Variants in CNTNAP5 observed in about 807,000 individuals in gnomAD.
CNTNAP5 encodes the protein contactin-associated protein-like 5.
In CNTNAP5, 72 loss-of-function variants were observed where a neutral mutation model predicts 150.2. The ratio of observed to expected loss-of-function variants is 0.48; its 90% CI spans 0.40 to 0.58. The LOEUF (loss-of-function observed/expected upper bound fraction) is 0.58. CNTNAP5 is among the 20% of genes least tolerant of loss of function. The pLI, the probability that CNTNAP5 is intolerant of heterozygous loss-of-function variation, is 0.00. For synonymous variants in CNTNAP5, 672 were observed against 619.8 expected (o/e 1.08, Z -1.25); for missense variants, 1,636 against 1,626.2 (o/e 1.01, Z -0.10).
intron 19 of CNTNAP5, among the ~76,000 whole-genome samples, chr2:124,812,329 T>C (rs1000176453): frequency 1.3e-5 from 2 of 150,316 alleles, no homozygotes; most frequent in African/African-American, 4.9e-5. Context: ...AGCACACATA[T>C]GGAAACCAAA....
chr2:124,156,049 C>A (rs779405722), intron 1 of CNTNAP5, among the ~76,000 whole-genome samples: 1 of 152,180 alleles, frequency 6.6e-6, no homozygotes, highest in African/African-American at 2.4e-5. Context: ...AAAAAGGGTT[C>A]AGGGTGAGGG....
chr2:124,160,679 T>C (rs1317687521), intron 1 of CNTNAP5, among the ~76,000 whole-genome samples: 2 of 152,182 alleles, frequency 1.3e-5, no homozygotes, highest in Non-Finnish European at 2.9e-5. Context: ...TAATGCAGTT[T>C]TGAAGCACGG....
chr2:124,243,247 G>A (rs1210101169), intron 3 of CNTNAP5, among the ~76,000 whole-genome samples: 1 of 152,156 alleles, frequency 6.6e-6, no homozygotes, highest in Non-Finnish European at 1.5e-5. Flanking sequence ...TGTGTAAAAT[G>A]TGAAGATACG....
intron 3 of CNTNAP5, among the ~76,000 whole-genome samples, chr2:124,391,632 A>C (rs867274120): frequency 6.6e-6 from 1 of 152,214 alleles, no homozygotes. Context: ...AGTCTTGTGA[A>C]TCCAGAGCAC....
intron 1 of CNTNAP5, among the ~76,000 whole-genome samples, chr2:124,044,532 A>G (rs1437219382): frequency 2.0e-5 from 3 of 152,224 alleles, no homozygotes; most frequent in Non-Finnish European, 2.9e-5. Context: ...AGATATTGGT[A>G]AAGAAAGACA....
chr2:124,327,609 C>G (rs1172358376), intron 3 of CNTNAP5, among the ~76,000 whole-genome samples: 1 of 152,152 alleles, frequency 6.6e-6, no homozygotes, highest in Non-Finnish European at 1.5e-5. Context: ...ATAATAAAAC[C>G]TTGGTCTCCA....
At chr2:124,264,436 A>G (rs1687551131) in intron 3 of CNTNAP5, among the ~76,000 whole-genome samples, 1 of 149,122 alleles carries the variant, frequency 6.7e-6, no homozygotes, top group African/African-American at 2.5e-5. Flanking sequence ...ACACACACCA[A>G]TCGCCATGGC....
At chr2:124,669,598 A>G (rs570515407) in intron 13 of CNTNAP5, among the ~76,000 whole-genome samples, 9 of 152,298 alleles carry the variant, frequency 5.9e-5, no homozygotes, top group South Asian at 4.1e-4. Flanking sequence ...CCTTTTCTGA[A>G]TACAAGATGC....
At chr2:124,590,476 T>C (rs1696654670) in intron 11 of CNTNAP5, among the ~76,000 whole-genome samples, 1 of 152,188 alleles carries the variant, frequency 6.6e-6, no homozygotes, top group Admixed American at 6.5e-5. Context: ...CTCCCATTAG[T>C]TTTAACATAT....
intron 3 of CNTNAP5, among the ~76,000 whole-genome samples, chr2:124,325,704 G>A (rs575822661): frequency 6.6e-6 from 1 of 152,280 alleles, no homozygotes; most frequent in Non-Finnish European, 1.5e-5. Flanking sequence ...AATATGAAAG[G>A]GAGGTGAGGC....
In CNTNAP5 at chr2:124,919,106, A is replaced by G. The variant is rs1678824179; in HGVS notation, c.*4818A>G. Among the ~76,000 whole-genome samples the G allele has an allele frequency of 6.6e-6, 1 of 152,070 alleles. No individual in the cohort carries two copies. Among genetic ancestry groups the G allele is most frequent in the Admixed American group, 6.6e-5 (1 of 15,246 alleles). On this transcript the variant is annotated 3_prime_UTR_variant, in exon 24 of 24. Coordinates refer to ENST00000682447, the MANE Select transcript of CNTNAP5 (RefSeq NM_001367498.1). Reference sequence around the variant, plus strand: ...CACAAATTCCAAATTTGAACCACCTAAAGGGGAAAAAATGCAACACACACA... The same window carrying G: ...CACAAATTCCAAATTTGAACCACCTGAAGGGGAAAAAATGCAACACACACA...
At chr2:124,464,324 C>A (rs1229613638) in intron 6 of CNTNAP5, among the ~76,000 whole-genome samples, 1 of 151,958 alleles carries the variant, frequency 6.6e-6, no homozygotes, top group Non-Finnish European at 1.5e-5. Context: ...AAGAAATCAC[C>A]CACTCTCTAT....
At chr2:124,371,660 G>C (rs1690530150) in intron 3 of CNTNAP5, among the ~76,000 whole-genome samples, 1 of 152,074 alleles carries the variant, frequency 6.6e-6, no homozygotes. Flanking sequence ...TGTTGTAGTA[G>C]CTGGTAAGAT....
At chr2:124,466,777 T>C (rs1408657407) in intron 6 of CNTNAP5, among the ~76,000 whole-genome samples, 3 of 152,140 alleles carry the variant, frequency 2.0e-5, no homozygotes, top group Non-Finnish European at 1.5e-5. Context: ...CAGTCTTCCA[T>C]ATACTGAAGG....
chr2:124,026,348 G>T (rs1680887995), intron 1 of CNTNAP5, among the ~76,000 whole-genome samples: 1 of 152,162 alleles, frequency 6.6e-6, no homozygotes, highest in Non-Finnish European at 1.5e-5. Flanking sequence ...GAAGAGCTTT[G>T]ATGCATACCC....
intron 13 of CNTNAP5, among the ~76,000 whole-genome samples, chr2:124,657,413 C>T (rs1191202240): frequency 6.6e-6 from 1 of 152,006 alleles, no homozygotes; most frequent in East Asian, 1.9e-4. Context: ...TCTCCATTCC[C>T]CATTCAGTAT....
At chr2:124,839,667 A>G (rs918712456) in intron 19 of CNTNAP5, among the ~76,000 whole-genome samples, 11 of 152,060 alleles carry the variant, frequency 7.2e-5, no homozygotes, top group Admixed American at 6.6e-4. Context: ...AAGAACATTT[A>G]CTGATTCCTG....
intron 14 of CNTNAP5, among the ~76,000 whole-genome samples, chr2:124,752,497 A>C (rs915007077): frequency 2.6e-5 from 4 of 152,180 alleles, no homozygotes; most frequent in African/African-American, 9.7e-5. Context: ...GAGAAAAAAA[A>C]GTCATTCAGT....
chr2:124,913,061 G>A (rs1043956782), intron 23 of CNTNAP5, among the ~76,000 whole-genome samples: 10 of 152,024 alleles, frequency 6.6e-5, no homozygotes, highest in African/African-American at 1.2e-4. Flanking sequence ...ATTGGTGGAA[G>A]ACATGCAATC....
Sources: allele counts gnomAD v4.1 joint callset (sites outside exome capture counted in the v4.1 genomes callset), GRCh38; gene constraint gnomAD v4.1.1; transcripts MANE v1.5; gene names NCBI Gene and HGNC (gene_info 2026-07-23, HGNC 2026-07-21).